Variants in TMEM132D observed in about 807,000 individuals in gnomAD.
The protein encoded by TMEM132D is mature OL transmembrane protein.
TMEM132D carries 21 observed loss-of-function variants against 62.3 expected under a neutral mutation model. That is an observed-to-expected ratio of 0.34 (90% CI 0.24 to 0.49). The LOEUF is 0.49. TMEM132D is among the 20% of genes least tolerant of loss of function. TMEM132D has a pLI of 0.99. For missense variants in TMEM132D, 1,346 were observed against 1,402.8 expected (o/e 0.96, Z 0.65); for synonymous variants, 621 against 575.6 (o/e 1.08, Z -1.13).
At chr12:129,512,429 CT>C (rs1358052926) in intron 3 of TMEM132D, among the ~76,000 whole-genome samples, 4 of 152,172 alleles carry the variant, frequency 2.6e-5, no homozygotes, top group African/African-American at 9.7e-5. Flanking sequence ...GAGACGAGCC[CT>C]TCTTAGAATT....
At chr12:129,319,044 C>A (rs1241781341) in intron 4 of TMEM132D, among the ~76,000 whole-genome samples, 1 of 152,136 alleles carries the variant, frequency 6.6e-6, no homozygotes, top group East Asian at 1.9e-4. Context: ...TACCTGCCTT[C>A]CAGCTGCGGA....
chr12:129,638,210 T>C (rs1879538058), intron 2 of TMEM132D, among the ~76,000 whole-genome samples: 1 of 152,198 alleles, frequency 6.6e-6, no homozygotes, highest in South Asian at 2.1e-4. Context: ...CTTACCCGTT[T>C]TATTAATTTG....
At chr12:129,649,872 G>A (rs1344731031) in intron 2 of TMEM132D, among the ~76,000 whole-genome samples, 3 of 150,988 alleles carry the variant, frequency 2.0e-5, no homozygotes, top group Admixed American at 6.6e-5. Context: ...ATGTATGTGT[G>A]TGCATGTGTG....
intron 4 of TMEM132D, among the ~76,000 whole-genome samples, chr12:129,237,448 T>C (rs958376681): frequency 2.6e-5 from 4 of 152,196 alleles, no homozygotes; most frequent in African/African-American, 9.6e-5. Context: ...AAATTTTATT[T>C]AGTTCATGAT....
chr12:129,134,746 G>A (rs1268905984), intron 5 of TMEM132D, among the ~76,000 whole-genome samples: 1 of 152,182 alleles, frequency 6.6e-6, no homozygotes, highest in African/African-American at 2.4e-5. Context: ...TGTTAGAGGG[G>A]TGGTGTGGGG....
At chr12:129,223,142 T>C (rs1879390931) in intron 4 of TMEM132D, among the ~76,000 whole-genome samples, 2 of 152,078 alleles carry the variant, frequency 1.3e-5, no homozygotes, top group African/African-American at 4.8e-5. Flanking sequence ...CATGTGGAAG[T>C]GGAGTCTGGT....
intron 2 of TMEM132D, among the ~76,000 whole-genome samples, chr12:129,574,193 T>C (rs994064421): frequency 6.6e-5 from 10 of 151,970 alleles, no homozygotes; most frequent in African/African-American, 2.4e-4. Context: ...AAAAGTAAGA[T>C]GGATTAATAG....
rs181854561 is a variant in TMEM132D, at chr12:129,213,731, A to G, written c.1300-4068T>C. On this transcript the variant is annotated intron_variant, in intron 4 of 8. Coordinates refer to ENST00000422113, the MANE Select transcript of TMEM132D (RefSeq NM_133448.3). ...GGCTTTTAACAATGCTGAGAACTCC[A>G]TCACTGCCCCACGCCCACTGCCAAC... Among the ~76,000 whole-genome samples the G allele has an allele frequency of 2.6e-4, 39 of 152,244 alleles. No individual in the cohort carries two copies. In the East Asian group the frequency reaches 7.0e-3, roughly 27 times the overall value.
chr12:129,435,364 T>A (rs1872761596), intron 3 of TMEM132D, among the ~76,000 whole-genome samples: 1 of 152,206 alleles, frequency 6.6e-6, no homozygotes, highest in Admixed American at 6.5e-5. Flanking sequence ...CTTACGGGCA[T>A]ACCATTTTTT....
At chr12:129,334,584 G>A (rs1327678416) in intron 4 of TMEM132D, among the ~76,000 whole-genome samples, 1 of 152,122 alleles carries the variant, frequency 6.6e-6, no homozygotes, top group South Asian at 2.1e-4. Flanking sequence ...AGAGCCCATT[G>A]CTAACAACTC....
chr12:129,778,564 T>C (rs960331702), intron 1 of TMEM132D, among the ~76,000 whole-genome samples: 4 of 152,326 alleles, frequency 2.6e-5, no homozygotes, highest in African/African-American at 7.2e-5. Flanking sequence ...ATCCTGAGCA[T>C]TGAAGACACT....
chr12:129,160,838 CTTTCAGAGTTTT>C (rs371668859), intron 5 of TMEM132D, among the ~76,000 whole-genome samples: 101 of 152,228 alleles, frequency 6.6e-4, no homozygotes, highest in African/African-American at 2.4e-3. Flanking sequence ...TCAAAGGTGA[CTTTCAGAGTTTT>C]CATGTGTGGG....
chr12:129,551,598 A>T (rs1876900643), intron 2 of TMEM132D, among the ~76,000 whole-genome samples: 1 of 152,238 alleles, frequency 6.6e-6, no homozygotes, highest in East Asian at 1.9e-4. Context: ...ACTTTAGTAT[A>T]GCGCCAATCA....
At chr12:129,265,617 TCTC>T (rs1262537967) in intron 4 of TMEM132D, among the ~76,000 whole-genome samples, 3 of 151,768 alleles carry the variant, frequency 2.0e-5, no homozygotes, top group Non-Finnish European at 2.9e-5. Context: ...GTGATGCCAC[TCTC>T]CTCTTCTCCC....
intron 2 of TMEM132D, among the ~76,000 whole-genome samples, chr12:129,569,091 G>A (rs1365144409): frequency 6.6e-6 from 1 of 152,204 alleles, no homozygotes; most frequent in East Asian, 1.9e-4. Context: ...ATCTTAGTGT[G>A]AGATAACATG....
chr12:129,465,530 T>C (rs1200137492), intron 3 of TMEM132D, among the ~76,000 whole-genome samples: 2 of 152,186 alleles, frequency 1.3e-5, no homozygotes, highest in African/African-American at 4.8e-5. Flanking sequence ...GATGACATGA[T>C]TGTATATCAG....
intron 3 of TMEM132D, among the ~76,000 whole-genome samples, chr12:129,499,210 C>G (rs1022452067): frequency 1.3e-5 from 2 of 152,046 alleles, no homozygotes; most frequent in Admixed American, 1.3e-4. Context: ...CTTAATTTAC[C>G]CTTATAAAAC....
chr12:129,160,436 T>G (rs964090915), intron 5 of TMEM132D, among the ~76,000 whole-genome samples: 2 of 152,214 alleles, frequency 1.3e-5, no homozygotes, highest in African/African-American at 4.8e-5. Flanking sequence ...TTAGTTTGCA[T>G]TAGTAGGTGA....
chr12:129,646,311 C>A (rs920602925), intron 2 of TMEM132D, among the ~76,000 whole-genome samples: 1 of 152,100 alleles, frequency 6.6e-6, no homozygotes, highest in South Asian at 2.1e-4. Context: ...TTGCAGAGGG[C>A]GATGCAGTAT....
Sources: gnomAD v4.1 joint callset for allele counts (sites outside exome capture counted in the v4.1 genomes callset) on GRCh38, gnomAD v4.1.1 for gene constraint, MANE v1.5 for transcripts, NCBI Gene and HGNC (gene_info 2026-07-23, HGNC 2026-07-21) for gene names.